DUSP29: variants seen among roughly 807,000 people sequenced by gnomAD.
The protein encoded by DUSP29 is dual specificity phosphatase 29.
In DUSP29, 12 loss-of-function variants were observed where a neutral mutation model predicts 13.5. The observed-to-expected ratio is 0.89, with a 90% CI of 0.57 to 1.44. The LOEUF is 1.44. Ranked by LOEUF, DUSP29 falls within the 40% of genes most tolerant of loss-of-function variation. DUSP29 has a pLI of 0.00. For missense variants in DUSP29, 308 were observed against 301.1 expected (o/e 1.02, Z -0.17); for synonymous variants, 134 against 128.7 (o/e 1.04, Z -0.28).
At position 75,064,525 on chromosome 10, in the gene DUSP29, C is replaced by A. The variant is rs182327002; in HGVS notation, c.-34-5977G>T. On this transcript the variant is annotated intron_variant, in intron 1 of 3. Transcript: ENST00000338487. Reference sequence around the variant, plus strand: ...CCGTCTCAGAAACAAAAAACAACAACAAAAAAAGTTTTTTGTAGAGATGGG... The same window carrying A: ...CCGTCTCAGAAACAAAAAACAACAAAAAAAAAAGTTTTTTGTAGAGATGGG... Among the ~76,000 whole-genome samples the A allele has an allele frequency of 1.8e-3, 269 of 152,138 alleles. 1 individual carries two copies. Among genetic ancestry groups the A allele is most frequent in the South Asian group, 7.3e-3 (35 of 4,810 alleles).
chr10:75,039,743 T>C (rs1449276775), intron 3 of DUSP29, among the ~76,000 whole-genome samples: 1 of 152,176 alleles, frequency 6.6e-6, no homozygotes, highest in Non-Finnish European at 1.5e-5. Context: ...AACCTGCCTT[T>C]CTTAGTAACT....
At chr10:75,064,494 G>A (rs866045632) in intron 1 of DUSP29, among the ~76,000 whole-genome samples, 14 of 152,118 alleles carry the variant, frequency 9.2e-5, no homozygotes, top group African/African-American at 1.9e-4. Context: ...GTGACAGAGC[G>A]AGACTCCGTC....
At chr10:75,052,235 T>G (rs894499688) in intron 2 of DUSP29, among the ~76,000 whole-genome samples, 30 of 152,054 alleles carry the variant, frequency 2.0e-4, no homozygotes, top group Non-Finnish European at 2.9e-5. Flanking sequence ...CACCCTTCCA[T>G]GAGCTGGCCC....
At chr10:75,066,718 C>A (rs1384008225) in intron 1 of DUSP29, among the ~76,000 whole-genome samples, 4 of 152,086 alleles carry the variant, frequency 2.6e-5, no homozygotes, top group African/African-American at 9.7e-5. Context: ...GAAGGTGGCC[C>A]TCAGGACAAG....
Position 75,043,808 on chromosome 10 carries a change from C to CT in DUSP29, c.409dup (p.Ser137LysfsTer6). The CT allele has an allele frequency of 6.2e-7, 1 of 1,613,086 alleles. No homozygotes were observed. Among genetic ancestry groups the CT allele is most frequent in the East Asian group, 2.2e-5 (1 of 44,862 alleles). ...CGCGGGTCTCTTACTGTGGTCGTCGCTTAGCGCTCTGTCGATGAAGGCTGC... is the reference window on the plus strand; with the variant it reads ...CGCGGGTCTCTTACTGTGGTCGTCGCTTTAGCGCTCTGTCGATGAAGGCTGC... On this transcript the variant is annotated frameshift_variant, in exon 3 of 4. Coordinates refer to ENST00000338487, the MANE Select transcript of DUSP29 (RefSeq NM_001003892.3). LOFTEE classifies it high-confidence loss of function.
Position 75,058,246 on chromosome 10 carries a change from G to A in DUSP29, c.200+69C>T, listed in dbSNP as rs1269726576. On this transcript the variant is annotated intron_variant, in intron 2 of 3. Coordinates refer to ENST00000338487, the MANE Select transcript of DUSP29 (RefSeq NM_001003892.3). ...AAATTCCAAAGCCCATGGCTAGGAG[G>A]TGGCGCAGGGCGTGGCCTGGGGAGG... 3.3e-6 allele frequency: 5 copies of A among 1,530,868 alleles called. No individual in the cohort carries two copies. The African/African-American group carries it at 6.9e-5, about 21-fold the overall frequency. The allele number at this position is 1,530,868 out of a possible 1,614,324, so 94.8% of individuals were successfully genotyped here.
chr10:75,040,268 C>G (rs1242841844), intron 3 of DUSP29, among the ~76,000 whole-genome samples: 1 of 152,122 alleles, frequency 6.6e-6, no homozygotes, highest in African/African-American at 2.4e-5. Context: ...TGAAAGCAGG[C>G]TTCATTTATT....
At chr10:75,048,409 T>C (rs1846748939) in intron 2 of DUSP29, among the ~76,000 whole-genome samples, 1 of 151,826 alleles carries the variant, frequency 6.6e-6, no homozygotes, top group Non-Finnish European at 1.5e-5. Context: ...TTTTTTTTTT[T>C]TGAGACAGAG....
Position 75,058,473 on chromosome 10 carries a change from G to A in DUSP29, c.42C>T (p.Tyr14=). The part of the protein sequence containing the change: ...GEVKTSLKNA[Y]SSAKRLSPKM... ...TCGGCGACAGCCTCTTGGCAGATGAGTAGGCATTCTTGAGGCTTGTCTTCA... is the reference window on the plus strand; with the variant it reads ...TCGGCGACAGCCTCTTGGCAGATGAATAGGCATTCTTGAGGCTTGTCTTCA... The change falls in exon 2 of 4, where the codon TAC becomes TAT. Residue 14 remains tyrosine (Y), a synonymous_variant. Transcript: ENST00000338487. The A allele has an allele frequency of 1.2e-6, 2 of 1,614,242 alleles. No homozygotes were observed. The highest frequency in any genetic ancestry group is 1.7e-6 in the Non-Finnish European group (2 of 1,180,052).
intron 2 of DUSP29, among the ~76,000 whole-genome samples, chr10:75,046,930 G>A (rs1846718873): frequency 6.6e-6 from 1 of 152,204 alleles, no homozygotes; most frequent in Non-Finnish European, 1.5e-5. Context: ...CCACCATGAA[G>A]ACTGTTCTCT....
chr10:75,071,227 C>A (rs1274666347), intron 1 of DUSP29, among the ~76,000 whole-genome samples: 1 of 152,244 alleles, frequency 6.6e-6, no homozygotes, highest in Non-Finnish European at 1.5e-5. Flanking sequence ...CTGTCCATCC[C>A]TCATTAAGCT....
intron 1 of DUSP29, among the ~76,000 whole-genome samples, chr10:75,059,927 G>A (rs1255834517): frequency 1.3e-5 from 2 of 152,176 alleles, no homozygotes; most frequent in Non-Finnish European, 2.9e-5. Context: ...GGGAGGCCGA[G>A]GCGGGCAGAT....
chr10:75,065,733 C>G (rs1030379948), intron 1 of DUSP29, among the ~76,000 whole-genome samples: 5 of 151,746 alleles, frequency 3.3e-5, no homozygotes, highest in Middle Eastern at 3.2e-3. Flanking sequence ...CTCAGTTGCC[C>G]AGGCTGTGGT....
intron 2 of DUSP29, among the ~76,000 whole-genome samples, chr10:75,055,264 T>C (rs1231115531): frequency 2.0e-5 from 3 of 152,212 alleles, no homozygotes; most frequent in Admixed American, 6.5e-5. Context: ...TAAGCATCGC[T>C]GCACATATTT....
intron 2 of DUSP29, among the ~76,000 whole-genome samples, chr10:75,045,122 C>T (rs10824258): frequency 0.077 from 11,693 of 152,202 alleles, 600 homozygotes; most frequent in South Asian, 0.26. Context: ...TTTCGGAAGC[C>T]GAGGCAGGCA....
intron 1 of DUSP29, among the ~76,000 whole-genome samples, chr10:75,061,378 G>T (rs1275028772): frequency 1.3e-5 from 2 of 152,150 alleles, no homozygotes; most frequent in African/African-American, 4.8e-5. Context: ...ACAACTTCCT[G>T]CTTCCTGGTG....
At chr10:75,071,026 G>C (rs187318990) in intron 1 of DUSP29, among the ~76,000 whole-genome samples, 123 of 152,336 alleles carry the variant, frequency 8.1e-4, no homozygotes, top group African/African-American at 2.8e-3. Flanking sequence ...TTGGAGTTTA[G>C]GGGTTGAGAG....
At chr10:75,043,699 T>C (rs1440461527) in intron 3 of DUSP29, 98 bp downstream of exon 3, 1 of 1,124,340 alleles carries the variant, frequency 8.9e-7, no homozygotes, top group East Asian at 2.6e-5. Context: ...GGGCGGAGCC[T>C]TAGTGGGGCG....
At position 75,073,635 on chromosome 10, in the gene DUSP29, C is replaced by T. The variant is rs1254886103; in HGVS notation, c.-101G>A. Among the ~76,000 whole-genome samples the T allele has an allele frequency of 3.3e-5, 5 of 152,196 alleles. No homozygotes were observed. Among genetic ancestry groups the T allele is most frequent in the African/African-American group, 7.2e-5 (3 of 41,448 alleles). On this transcript the variant is annotated 5_prime_UTR_variant, in exon 1 of 4. Coordinates refer to ENST00000338487, the MANE Select transcript of DUSP29 (RefSeq NM_001003892.3). Reference sequence around the variant, plus strand: ...CGTGGGGCATGTAGCAGCCGCACGCCCAGCCACCCCCACTGGCAACAGAGG... The same window carrying T: ...CGTGGGGCATGTAGCAGCCGCACGCTCAGCCACCCCCACTGGCAACAGAGG...
Sources: allele counts gnomAD v4.1 joint callset (sites outside exome capture counted in the v4.1 genomes callset), GRCh38; gene constraint gnomAD v4.1.1; transcripts MANE v1.5; gene names NCBI Gene and HGNC (gene_info 2026-07-23, HGNC 2026-07-21).